Variants in PAAF1 observed in about 807,000 individuals in gnomAD.
PAAF1 encodes proteasomal ATPase associated factor 1, also known as proteasomal ATPase-associated factor 1.
In PAAF1, 46 loss-of-function variants were observed where a neutral mutation model predicts 52.8. The observed-to-expected ratio is 0.87, with a 90% CI of 0.69 to 1.11. The LOEUF (loss-of-function observed/expected upper bound fraction) is 1.11, where lower values mean the gene tolerates loss of function less well. PAAF1 is among the 50% of genes most tolerant of loss of function. The pLI is 0.00. For synonymous variants in PAAF1, 178 were observed against 172.8 expected, an observed-to-expected ratio of 1.03 and a Z score of -0.24; for missense variants, 424 against 477.4, an observed-to-expected ratio of 0.89 and a Z score of 1.04.
chr11:73,898,412 C>G (rs1949492589), intron 4 of PAAF1, among the ~76,000 whole-genome samples: 1 of 152,124 alleles, frequency 6.6e-6, no homozygotes, highest in Non-Finnish European at 1.5e-5. Flanking sequence ...GATGGAGTCT[C>G]ATTATATTGC....
intron 11 of PAAF1, 85 bp from the exon 12 acceptor site, chr11:73,927,200 C>T: frequency 1.0e-6 from 1 of 968,052 alleles, no homozygotes; most frequent in Non-Finnish European, 1.7e-6. Flanking sequence ...CTCCATGGGA[C>T]TAGTGTGTGT....
At chr11:73,924,551 C>CTGAGT (rs1317180883) in intron 10 of PAAF1, 64 bp from the exon 11 acceptor site, 1 of 1,341,936 alleles carries the variant, frequency 7.5e-7, no homozygotes, top group Non-Finnish European at 1.1e-6. Context: ...AATAAAAATA[C>CTGAGT]TGAGTTTTTA....
At chr11:73,926,349 C>T (rs939345918) in intron 11 of PAAF1, among the ~76,000 whole-genome samples, 10 of 152,218 alleles carry the variant, frequency 6.6e-5, no homozygotes, top group African/African-American at 2.4e-4. Flanking sequence ...AGGCCTGCCT[C>T]AGCCTCCCAA....
At chr11:73,923,870 A>G (rs1485335983) in intron 10 of PAAF1, among the ~76,000 whole-genome samples, 3 of 152,186 alleles carry the variant, frequency 2.0e-5, no homozygotes, top group African/African-American at 7.2e-5. Context: ...TAGTGTATAC[A>G]GTCAAATTTA....
chr11:73,877,168 T>G, intron 1 of PAAF1, 100 bp downstream of exon 1: 1 of 1,239,562 alleles, frequency 8.1e-7, no homozygotes, highest in Non-Finnish European at 1.1e-6. Flanking sequence ...TAGGGGTTAC[T>G]TCGTCAATTG....
intron 10 of PAAF1, among the ~76,000 whole-genome samples, chr11:73,922,734 G>A (rs60863026): frequency 0.068 from 10,213 of 150,760 alleles, 435 homozygotes; most frequent in South Asian, 0.21. Context: ...GGAGAATGGC[G>A]TGAACCTGGG....
intron 4 of PAAF1, among the ~76,000 whole-genome samples, chr11:73,898,561 A>C (rs1949497439): frequency 6.6e-6 from 1 of 152,130 alleles, no homozygotes; most frequent in Non-Finnish European, 1.5e-5. Flanking sequence ...GGTGGCCTAT[A>C]ATCCCAGCAC....
At chr11:73,924,762 C>T in intron 11 of PAAF1, 65 bp downstream of exon 11, 1 of 1,287,966 alleles carries the variant, frequency 7.8e-7, no homozygotes, top group Non-Finnish European at 1.1e-6. Context: ...TTTTATGAGA[C>T]TGAATCCAGA....
chr11:73,884,261 A>C (rs1948998369), intron 2 of PAAF1, among the ~76,000 whole-genome samples: 1 of 152,126 alleles, frequency 6.6e-6, no homozygotes, highest in Non-Finnish European at 1.5e-5. Flanking sequence ...GCACTTTGGG[A>C]GGCTGAGGCA....
intron 11 of PAAF1, 84 bp downstream of exon 11, chr11:73,924,781 G>A: frequency 1.9e-6 from 2 of 1,077,630 alleles, no homozygotes; most frequent in South Asian, 2.6e-5. Context: ...GATACCTTGT[G>A]GTCATTAGGG....
chr11:73,924,564 C>T (rs1950303855), intron 10 of PAAF1, 51 bp from the exon 11 acceptor site: 4 of 1,451,130 alleles, frequency 2.8e-6, no homozygotes, highest in Non-Finnish European at 3.9e-6. Flanking sequence ...AGTTTTTAAA[C>T]TCTGGATGCA....
chr11:73,887,453 A>T lies in PAAF1; in HGVS notation c.188A>T (p.Asn63Ile). 1 of 1,597,552 alleles carries T rather than the reference A, an allele frequency of 6.3e-7. No homozygotes were observed. The highest frequency in any genetic ancestry group is 8.5e-7 in the Non-Finnish European group (1 of 1,173,906). Reference protein sequence around the residue: ...ASEGFTVNEINKKSIHISCPK... With the variant: ...ASEGFTVNEIIKKSIHISCPK... ...GAAGGATTTACTGTGAATGAAATAA[A>T]CAAGGTATGTTTTTATGTCTTCTAG... is the stretch of plus-strand genomic sequence containing the variant. The change falls in exon 3 of 12, where the codon AAC becomes ATC. Residue 63 changes from asparagine (N) to isoleucine (I), a missense_variant. Asn to Ile is a moderately radical substitution (Grantham distance 149). Coordinates refer to ENST00000310571, the MANE Select transcript of PAAF1 (RefSeq NM_025155.3).
chr11:73,886,365 C>T (rs1397386721), intron 2 of PAAF1, among the ~76,000 whole-genome samples: 1 of 152,126 alleles, frequency 6.6e-6, no homozygotes. Flanking sequence ...TTGTTCTTAG[C>T]TTTTAGTCTT....
intron 10 of PAAF1, chr11:73,921,658 A>G: frequency 1.4e-6 from 1 of 726,410 alleles, no homozygotes; most frequent in Non-Finnish European, 2.5e-6. Context: ...TGCTCCTTTC[A>G]CTGTCCAGGT....
intron 4 of PAAF1, among the ~76,000 whole-genome samples, chr11:73,897,828 G>C (rs2135167100): frequency 6.6e-6 from 1 of 152,262 alleles, no homozygotes; most frequent in Non-Finnish European, 1.5e-5. Context: ...GGCCAAGGCA[G>C]GCTGCTGGGA....
chr11:73,909,725 T>C, intron 7 of PAAF1, 132 bp downstream of exon 7: 2 of 784,854 alleles, frequency 2.5e-6, no homozygotes, highest in Non-Finnish European at 4.0e-6. Flanking sequence ...ATACGATTAA[T>C]ATTTACTCTG....
At chr11:73,878,705 C>G in intron 1 of PAAF1, 74 bp from the exon 2 acceptor site, 1 of 1,407,684 alleles carries the variant, frequency 7.1e-7, no homozygotes, top group Non-Finnish European at 1.0e-6. Context: ...ACATGACCTT[C>G]TTTCTTCCCT....
At chr11:73,876,789 G>A, upstream of PAAF1, 2 of 393,956 alleles carry the variant, frequency 5.1e-6, no homozygotes, top group South Asian at 8.2e-5. Flanking sequence ...CCGAACGCAC[G>A]CTCCTACGCG....
chr11:73,881,235 A>G (rs1948898464), intron 2 of PAAF1, among the ~76,000 whole-genome samples: 1 of 152,056 alleles, frequency 6.6e-6, no homozygotes, highest in Non-Finnish European at 1.5e-5. Flanking sequence ...TGGGGTTTAT[A>G]TTTTTTTAGA....
Sources: gnomAD v4.1 joint callset for allele counts (sites outside exome capture counted in the v4.1 genomes callset) on GRCh38, gnomAD v4.1.1 for gene constraint, MANE v1.5 for transcripts, NCBI Gene and HGNC (gene_info 2026-07-23, HGNC 2026-07-21) for gene names.